Variants in MEPE observed in about 807,000 individuals in gnomAD.
MEPE encodes the protein matrix extracellular phosphoglycoprotein, also known as matrix, extracellular phosphoglycoprotein with ASARM motif (bone).
A neutral mutation model predicts 7.3 loss-of-function variants in MEPE; 7 were observed. That is an observed-to-expected ratio of 0.95 (90% CI 0.54 to 1.79). The LOEUF (loss-of-function observed/expected upper bound fraction) is 1.79, where lower values mean the gene tolerates loss of function less well. Ranked by LOEUF, MEPE falls within the 40% of genes most tolerant of loss-of-function variation. The pLI is 0.00. For synonymous variants in MEPE, 214 were observed against 213.1 expected, an observed-to-expected ratio of 1.00 and a Z score of -0.04; for missense variants, 623 against 628.2, an observed-to-expected ratio of 0.99 and a Z score of 0.09.
At chr4:87,839,322 C>G (rs908322432) in intron 3 of MEPE, among the ~76,000 whole-genome samples, 2 of 152,178 alleles carry the variant, frequency 1.3e-5, no homozygotes, top group Admixed American at 1.3e-4. Flanking sequence ...AGACATCAGA[C>G]ATGAATATTG....
intron 1 of MEPE, among the ~76,000 whole-genome samples, chr4:87,821,986 T>C (rs2109985510): frequency 6.6e-6 from 1 of 152,248 alleles, no homozygotes; most frequent in South Asian, 2.1e-4. Context: ...ACACAGCCCT[T>C]ACCTGATGCC....
chr4:87,821,997 T>C (rs948245768), intron 1 of MEPE, among the ~76,000 whole-genome samples: 2 of 152,104 alleles, frequency 1.3e-5, no homozygotes, highest in Non-Finnish European at 2.9e-5. Flanking sequence ...ACCTGATGCC[T>C]AACCAACTAG....
At chr4:87,823,589 C>A (rs868095725) in intron 1 of MEPE, among the ~76,000 whole-genome samples, 1 of 152,140 alleles carries the variant, frequency 6.6e-6, no homozygotes, top group Non-Finnish European at 1.5e-5. Flanking sequence ...GTTTCTGATG[C>A]GGGCTTCAAG....
At chr4:87,837,065 G>A (rs528169976) in intron 2 of MEPE, among the ~76,000 whole-genome samples, 40 of 152,300 alleles carry the variant, frequency 2.6e-4, no homozygotes, top group African/African-American at 9.4e-4. Flanking sequence ...ATCTGCCAGA[G>A]TCCAGTCCAG....
intron 1 of MEPE, among the ~76,000 whole-genome samples, chr4:87,824,318 T>C (rs1033411577): frequency 6.6e-6 from 1 of 152,230 alleles, no homozygotes; most frequent in Non-Finnish European, 1.5e-5. Context: ...ACCTGATCAT[T>C]CTTGTTACAG....
intron 3 of MEPE, among the ~76,000 whole-genome samples, chr4:87,841,650 A>T (rs941512780): frequency 6.6e-6 from 1 of 152,238 alleles, no homozygotes; most frequent in Non-Finnish European, 1.5e-5. Flanking sequence ...TAAGATACAT[A>T]TATAAAAGCA....
chr4:87,825,635 G>T (rs917403388), intron 1 of MEPE, among the ~76,000 whole-genome samples: 1 of 152,184 alleles, frequency 6.6e-6, no homozygotes, highest in Non-Finnish European at 1.5e-5. Context: ...CTTTCAATTT[G>T]CATGGAAACT....
rs140305702 is a variant in MEPE at position 87,835,278 on chromosome 4, T to C, written c.54+510T>C. On this transcript the variant is annotated intron_variant, in intron 2 of 3. Transcript: ENST00000361056. ...TTCTCTTCATCAGCGAGGCTAGAGG[T>C]GGGACGTAGTACCTCCAAGCTTAAC... Among the ~76,000 whole-genome samples the C allele has an allele frequency of 6.6e-5, 10 of 152,298 alleles. No homozygotes were observed. The East Asian group carries it at 1.7e-3, about 26-fold the overall frequency.
chr4:87,823,203 C>G (rs879883970), intron 1 of MEPE, among the ~76,000 whole-genome samples: 6 of 152,188 alleles, frequency 3.9e-5, no homozygotes, highest in Admixed American at 6.5e-5. Flanking sequence ...GGCTGCTCAC[C>G]CACTGTGTGG....
chr4:87,845,378 G>A lies in MEPE; in HGVS notation c.510G>A (p.Glu170=), dbSNP rs750755821. 2 of 1,613,902 alleles carry A rather than the reference G, an allele frequency of 1.2e-6. No homozygotes were observed. The highest frequency in any genetic ancestry group is 1.3e-5 in the African/African-American group (1 of 74,974). ...AIKLLGEENK[E]NTPRNVLNII... ...AACTCCTGGGGGAAGAAAACAAAGA[G>A]AACACACCTAGGAATGTTCTAAACA... Residue 170 remains glutamate (E), a synonymous_variant, in exon 4 of 4, where the codon GAG becomes GAA. Transcript: ENST00000361056.
In MEPE at chr4:87,834,852, TTAG is replaced by T. The variant is rs1289165102; in HGVS notation, c.54+88_54+90del. ...TTCTTTCAAGCAACGTCTATTTAAA[TTAG>T]TAGCATCTACCTAATTCAGTTATTT... On this transcript the variant is annotated intron_variant, in intron 2 of 3. Coordinates refer to ENST00000361056, the MANE Select transcript of MEPE (RefSeq NM_020203.6). 2.4e-5 allele frequency: 28 copies of T among 1,158,718 alleles called. No homozygotes were observed. In the East Asian group the frequency reaches 6.1e-4, roughly 25 times the overall value. The allele number at this position is 1,158,718 out of a possible 1,614,324, so 71.8% of individuals were successfully genotyped here.
At chr4:87,839,263 C>T (rs1004877346) in intron 3 of MEPE, among the ~76,000 whole-genome samples, 7 of 152,174 alleles carry the variant, frequency 4.6e-5, no homozygotes, top group Non-Finnish European at 8.8e-5. Context: ...CAAAGGCCAA[C>T]GTTGCCAGCT....
In MEPE at chr4:87,842,314, A is replaced by G. The variant is rs183914326; in HGVS notation, c.109-2663A>G. ...TTCCCTACACACTTGACCAAATACTATGAGCTTCTGGCTGCATGCTCTTTT... is the reference window on the plus strand; with the variant it reads ...TTCCCTACACACTTGACCAAATACTGTGAGCTTCTGGCTGCATGCTCTTTT... On this transcript the variant is annotated intron_variant, in intron 3 of 3. Coordinates refer to ENST00000361056, the MANE Select transcript of MEPE (RefSeq NM_020203.6). Among the ~76,000 whole-genome samples the G allele has an allele frequency of 5.3e-3, 806 of 152,252 alleles. 7 individuals carry two copies. The highest frequency in any genetic ancestry group is 7.0e-3 in the Non-Finnish European group (473 of 68,014).
At chr4:87,829,700 A>T (rs759103717), upstream of MEPE, among the ~76,000 whole-genome samples, 7 of 113,868 alleles carry the variant, frequency 6.1e-5, no homozygotes, top group Non-Finnish European at 1.2e-4. Flanking sequence ...CTTCAATAGC[A>T]TATCCAAAGT....
chr4:87,822,390 T>G (rs1474697866), intron 1 of MEPE, among the ~76,000 whole-genome samples: 1 of 152,078 alleles, frequency 6.6e-6, no homozygotes, highest in East Asian at 1.9e-4. Flanking sequence ...TCACAACCCG[T>G]CAAGCAATTA....
chr4:87,841,251 T>C (rs1723003710), intron 3 of MEPE, among the ~76,000 whole-genome samples: 1 of 152,206 alleles, frequency 6.6e-6, no homozygotes, highest in South Asian at 2.1e-4. Context: ...AAGGTTATCT[T>C]AGTAATGAGT....
intron 3 of MEPE, chr4:87,839,653 A>C (rs1722936103): frequency 6.8e-7 from 1 of 1,475,402 alleles, no homozygotes; most frequent in Non-Finnish European, 9.2e-7. Context: ...AAGAGATAAA[A>C]CGTGCCTCAA....
intron 2 of MEPE, chr4:87,837,810 T>C (rs1039937566): frequency 6.6e-6 from 1 of 152,076 alleles, no homozygotes; most frequent in Non-Finnish European, 1.5e-5. Context: ...AGAACTTACA[T>C]CTATTCCTTT....
At chr4:87,828,120 G>T (rs1722511369), upstream of MEPE, among the ~76,000 whole-genome samples, 1 of 152,090 alleles carries the variant, frequency 6.6e-6, no homozygotes, top group African/African-American at 2.4e-5. Context: ...GATATCAGTG[G>T]GAAGTAAATA....
Sources: allele counts gnomAD v4.1 joint callset (sites outside exome capture counted in the v4.1 genomes callset), GRCh38; gene constraint gnomAD v4.1.1; transcripts MANE v1.5; gene names NCBI Gene and HGNC (gene_info 2026-07-23, HGNC 2026-07-21).